The following DPP6 variants were observed in gnomAD, a reference collection of about 807,000 sequenced individuals.
DPP6 encodes dipeptidyl peptidase like 6.
Under a neutral mutation model 122.6 loss-of-function variants are expected in DPP6, and 69 were observed. The observed-to-expected ratio is 0.56, with a 90% CI of 0.46 to 0.69. DPP6 has a LOEUF of 0.69. Among genes scored for constraint, DPP6 ranks in the 30% least tolerant of loss-of-function variants. The probability of loss-of-function intolerance (pLI) is 0.00; values close to 1 mark genes in which losing one functional copy is unlikely to be tolerated. For synonymous variants in DPP6, 418 were observed against 433.1 expected, an observed-to-expected ratio of 0.97 and a Z score of 0.43; for missense variants, 928 against 1,116.9, an observed-to-expected ratio of 0.83 and a Z score of 2.41.
At chr7:154,312,729 G>C (rs7805936) in intron 1 of DPP6, among the ~76,000 whole-genome samples, 29,928 of 152,106 alleles carry the variant, frequency 0.2, 4,060 homozygotes, top group African/African-American at 0.38. Flanking sequence ...AGTCCATCTT[G>C]TGGACATGCT....
intron 5 of DPP6, among the ~76,000 whole-genome samples, chr7:154,630,527 A>G (rs1397090134): frequency 6.6e-6 from 1 of 152,222 alleles, no homozygotes; most frequent in East Asian, 1.9e-4. Flanking sequence ...TTTAGCAGAA[A>G]AAGAATGTAT....
chr7:154,417,168 G>A (rs1009711413), intron 1 of DPP6, among the ~76,000 whole-genome samples: 1 of 152,166 alleles, frequency 6.6e-6, no homozygotes, highest in Non-Finnish European at 1.5e-5. Flanking sequence ...ACTTTCGGGT[G>A]ATCTCAGGGA....
At chr7:154,135,759 GCACTTCCTGTGACTGTA>G (rs59337662) in intron 1 of DPP6, among the ~76,000 whole-genome samples, 1 of 150,860 alleles carries the variant, frequency 6.6e-6, no homozygotes, top group Non-Finnish European at 1.5e-5. Flanking sequence ...TCCTATCTGT[GCACTTCCTGTGACTGTA>G]CACTTCCTGT....
rs759789817 is a variant in DPP6, at chr7:154,803,980, C to G, written c.1499+25C>G. ...TGTGAGTGAGAACCAGGGGCCTGCC[C>G]CATCTTACTGGCCAATGGGGCACAT... is the stretch of plus-strand genomic sequence containing the variant. On this transcript the variant is annotated intron_variant, in intron 14 of 25. Transcript: ENST00000377770. 3.1e-6 allele frequency: 5 copies of G among 1,610,318 alleles called. No individual in the cohort carries two copies. In the Admixed American group the frequency reaches 8.4e-5, roughly 27 times the overall value.
At chr7:153,883,886 G>A (rs915838771), upstream of DPP6, among the ~76,000 whole-genome samples, 2 of 152,206 alleles carry the variant, frequency 1.3e-5, no homozygotes, top group Admixed American at 6.5e-5. Flanking sequence ...TCACAAGCTG[G>A]GCAGGAGGAG....
Position 154,486,704 on chromosome 7 carries a change from A to G in DPP6, c.457+11667A>G, listed in dbSNP as rs1002739319. 2.0e-5 allele frequency among the ~76,000 whole-genome samples: 3 copies of G among 152,206 alleles called. No individual in the cohort carries two copies. The highest frequency in any genetic ancestry group is 4.4e-5 in the Non-Finnish European group (3 of 68,036). ...CAGCTAGGGTTGGACCACCTTGGGGATGCAGCCCACTTCGCAGAGGCTGGA... is the reference window on the plus strand; with the variant it reads ...CAGCTAGGGTTGGACCACCTTGGGGGTGCAGCCCACTTCGCAGAGGCTGGA... On this transcript the variant is annotated intron_variant, in intron 3 of 25. Transcript: ENST00000377770. The surrounding 1 kb of genome is among the most constrained non-coding windows in gnomAD (Gnocchi z 4.5).
At chr7:154,739,140 T>A (rs1340882213) in intron 8 of DPP6, among the ~76,000 whole-genome samples, 2 of 152,168 alleles carry the variant, frequency 1.3e-5, no homozygotes, top group South Asian at 2.1e-4. Context: ...CTGGCACTTC[T>A]ACGCATGACT....
chr7:154,365,151 C>T (rs765539476), intron 1 of DPP6, among the ~76,000 whole-genome samples: 2 of 152,164 alleles, frequency 1.3e-5, no homozygotes, highest in Non-Finnish European at 2.9e-5. Flanking sequence ...AAGACATAGA[C>T]GAGTTCAGAA....
the DPP6 span, among the ~76,000 whole-genome samples, chr7:153,755,002 T>C: frequency 6.6e-6 from 1 of 152,130 alleles, no homozygotes; most frequent in Non-Finnish European, 1.5e-5. Context: ...ATCTGAGCCT[T>C]CTTAGAATTG....
chr7:154,631,572 C>T (rs1195513836), intron 5 of DPP6, among the ~76,000 whole-genome samples: 1 of 151,504 alleles, frequency 6.6e-6, no homozygotes, highest in African/African-American at 2.4e-5. Context: ...GAGGCCGAGG[C>T]AGGAGAATCA....
chr7:154,127,644 CACACACAG>C (rs1405815210), intron 1 of DPP6, among the ~76,000 whole-genome samples: 1,571 of 66,970 alleles, frequency 0.023, 26 homozygotes, highest in East Asian at 0.062. Context: ...GACACACACA[CACACACAG>C]ACACACACAC....
chr7:154,332,336 T>C (rs898454886), intron 1 of DPP6, among the ~76,000 whole-genome samples: 1 of 152,148 alleles, frequency 6.6e-6, no homozygotes, highest in Non-Finnish European at 1.5e-5. Context: ...CCTCCCAAAG[T>C]GCTGGGATTA....
chr7:153,865,003 C>G, the DPP6 span, among the ~76,000 whole-genome samples: 1 of 152,118 alleles, frequency 6.6e-6, no homozygotes, highest in Non-Finnish European at 1.5e-5. Context: ...TGAAACTCAT[C>G]AGCAGTAGAA....
intron 1 of DPP6, among the ~76,000 whole-genome samples, chr7:154,083,202 G>A (rs1281310945): frequency 6.6e-6 from 1 of 152,052 alleles, no homozygotes; most frequent in Non-Finnish European, 1.5e-5. Context: ...GTTAGTTGTT[G>A]TGCTTCTTTG....
intron 1 of DPP6, among the ~76,000 whole-genome samples, chr7:154,235,519 A>C (rs1394105627): frequency 6.9e-6 from 1 of 145,118 alleles, no homozygotes; most frequent in Non-Finnish European, 1.5e-5. Flanking sequence ...ACCAACTCTA[A>C]GTGATAATTA....
At chr7:154,610,787 T>A (rs6956511) in intron 5 of DPP6, among the ~76,000 whole-genome samples, 1 of 151,466 alleles carries the variant, frequency 6.6e-6, no homozygotes, top group Admixed American at 6.6e-5. Context: ...GAAAATTCTC[T>A]TATTCTTTTC....
intron 19 of DPP6, among the ~76,000 whole-genome samples, chr7:154,874,141 C>T (rs139938219): frequency 2.2e-4 from 34 of 152,270 alleles, no homozygotes; most frequent in African/African-American, 7.9e-4. Context: ...CACACATGTG[C>T]ACACACACCA....
chr7:154,239,421 T>A (rs1019482953), intron 1 of DPP6, among the ~76,000 whole-genome samples: 12 of 152,244 alleles, frequency 7.9e-5, no homozygotes, highest in African/African-American at 2.6e-4. Context: ...CTCCTCCTCA[T>A]CCTACTCAAC....
chr7:154,054,071 T>TTA (rs1160580831), intron 1 of DPP6, among the ~76,000 whole-genome samples: 2 of 149,566 alleles, frequency 1.3e-5, no homozygotes, highest in Non-Finnish European at 1.5e-5. Flanking sequence ...GGTACAGCTC[T>TTA]TATAACAGCT....
Sources: gnomAD v4.1 joint callset for allele counts (sites outside exome capture counted in the v4.1 genomes callset) on GRCh38, gnomAD v4.1.1 for gene constraint, Gnocchi (gnomAD v3.1) non-coding constraint, MANE v1.5 for transcripts, NCBI Gene and HGNC (gene_info 2026-07-23, HGNC 2026-07-21) for gene names.